The following CGN variants were observed in gnomAD, a reference collection of about 807,000 sequenced individuals.
CGN encodes the protein cingulin.
Under a neutral mutation model 157.1 loss-of-function variants are expected in CGN, and 121 were observed. The ratio of observed to expected loss-of-function variants is 0.77; its 90% CI spans 0.66 to 0.90. The LOEUF (loss-of-function observed/expected upper bound fraction) is 0.90. Ranked by LOEUF, CGN falls within the 40% of genes least tolerant of loss-of-function variation. The pLI, the probability that CGN is intolerant of heterozygous loss-of-function variation, is 0.00. For synonymous variants in CGN, 535 were observed against 607.5 expected (o/e 0.88, Z 1.76); for missense variants, 1,424 against 1,520.9 (o/e 0.94, Z 1.06).
chr1:151,524,913 G>A lies in CGN; in HGVS notation c.1614+27G>A. On this transcript the variant is annotated intron_variant, in intron 8 of 20. Transcript: ENST00000271636. The surrounding 1 kb of genome is among the most constrained non-coding windows in gnomAD (Gnocchi z 4.4). Reference sequence around the variant, plus strand: ...CATGTGACAAGAGCAGGGTCTGAGAGAGGAGGGCACTGCTGGAGAACAAGG... The same window carrying A: ...CATGTGACAAGAGCAGGGTCTGAGAAAGGAGGGCACTGCTGGAGAACAAGG... The A allele has an allele frequency of 6.3e-7, 1 of 1,584,320 alleles. No homozygotes were observed. Among genetic ancestry groups the A allele is most frequent in the Non-Finnish European group, 8.6e-7 (1 of 1,158,842 alleles).
intron 10 of CGN, among the ~76,000 whole-genome samples, chr1:151,527,408 A>C (rs550404323): frequency 2.6e-5 from 4 of 152,310 alleles, no homozygotes; most frequent in Non-Finnish European, 5.9e-5. Flanking sequence ...CTCCAGGATG[A>C]TTTTTGCAGG....
rs142252166 is a variant in CGN, at chr1:151,532,434, C to T, written c.2604C>T (p.Ala868=). ...AGATCGGGGAGGACTCTAAGCAAGCCCTGCAGCAGCTCCAGGCCCAGCTGG... is the reference window on the plus strand; with the variant it reads ...AGATCGGGGAGGACTCTAAGCAAGCTCTGCAGCAGCTCCAGGCCCAGCTGG... The part of the protein sequence containing the change: ...LEKIGEDSKQ[A]LQQLQAQLED... The change falls in exon 14 of 21, where the codon GCC becomes GCT. Residue 868 remains alanine, a synonymous_variant. Coordinates refer to ENST00000271636, the MANE Select transcript of CGN (RefSeq NM_020770.3). The T allele has an allele frequency of 4.7e-5, 75 of 1,592,496 alleles. No individual in the cohort carries two copies. The African/African-American group carries it at 9.8e-4, about 21-fold the overall frequency.
At position 151,530,561 on chromosome 1, in the gene CGN, C is replaced by A. The variant is rs758737673; in HGVS notation, c.2386C>A (p.Arg796=). 1 of 1,608,408 alleles carries A rather than the reference C, an allele frequency of 6.2e-7. No individual in the cohort carries two copies. The highest frequency in any genetic ancestry group is 1.3e-5 in the African/African-American group (1 of 74,808). ...EEEGSLAAAK[R]ALEARLEEAQ... ...GGAGGGGAGTCTGGCAGCAGCCAAG[C>A]GGGCACTGGAGGCACGCCTAGAGGA... Residue 796 remains arginine, a synonymous_variant, in exon 13 of 21, where the codon CGG becomes AGG. Coordinates refer to ENST00000271636, the MANE Select transcript of CGN (RefSeq NM_020770.3).
intron 14 of CGN, 121 bp downstream of exon 14, chr1:151,532,693 C>T (rs1020020390): frequency 4.0e-5 from 30 of 744,062 alleles, no homozygotes; most frequent in Non-Finnish European, 5.5e-5. Context: ...GATCTTGGCT[C>T]ACTGCAAGCT....
chr1:151,529,627 G>A, intron 11 of CGN, 68 bp downstream of exon 11: 2 of 1,422,214 alleles, frequency 1.4e-6, no homozygotes, highest in South Asian at 1.2e-5. Context: ...AGGAGCCAGA[G>A]GGTGTGGAAA....
intron 12 of CGN, 97 bp downstream of exon 12, chr1:151,530,212 G>A: frequency 2.2e-6 from 3 of 1,363,206 alleles, no homozygotes; most frequent in Non-Finnish European, 2.0e-6. Context: ...CCCTTAGTGT[G>A]CATCTGTTTT....
chr1:151,520,499 T>C lies in CGN; in HGVS notation c.1044+16T>C. The C allele has an allele frequency of 1.2e-6, 2 of 1,613,546 alleles. No homozygotes were observed. The highest frequency in any genetic ancestry group is 1.7e-6 in the Non-Finnish European group (2 of 1,179,448). On this transcript the variant is annotated intron_variant, in intron 4 of 20. Transcript: ENST00000271636. Reference sequence around the variant, plus strand: ...GCCTCTAGTGGTGAGTGGCCTTCTCTGGATGGGAGCAAGGGTCAAGGTTAG... The same window carrying C: ...GCCTCTAGTGGTGAGTGGCCTTCTCCGGATGGGAGCAAGGGTCAAGGTTAG...
In CGN at chr1:151,518,655, G is replaced by A. The variant is rs368325227; in HGVS notation, c.136G>A (p.Ala46Thr). 8 of 1,614,068 alleles carry A rather than the reference G, an allele frequency of 5.0e-6. No homozygotes were observed. The East Asian group carries it at 1.8e-4, about 36-fold the overall frequency. The part of the protein sequence containing the change: ...RRGGRRPAKD[A>T]RASTYGVAVR... Reference sequence around the variant, plus strand: ...AGGTGGACGACGCCCAGCTAAGGATGCAAGAGCCAGTACCTACGGGGTTGC... The same window carrying A: ...AGGTGGACGACGCCCAGCTAAGGATACAAGAGCCAGTACCTACGGGGTTGC... The change falls in exon 2 of 21, where the codon GCA becomes ACA. Residue 46 changes from alanine to threonine, a missense_variant. By Grantham distance (58) the Ala-to-Thr change is moderately conservative. Around this residue, in one of 3 missense-constraint regions of CGN, gnomAD observed 1,187 missense variants for 1,217.6 expected, o/e 0.97. Transcript: ENST00000271636.
At chr1:151,531,089 C>T (rs1000081141) in intron 13 of CGN, among the ~76,000 whole-genome samples, 5 of 150,792 alleles carry the variant, frequency 3.3e-5, no homozygotes, top group African/African-American at 9.8e-5. Flanking sequence ...TGCAGTGAGG[C>T]GAGATCATGC....
chr1:151,536,902 T>C lies in CGN; in HGVS notation c.3470+9T>C, dbSNP rs1021746643. ...CTGGAGAAGGACTCCTGGTATGGGC[T>C]ACCCTTTTGCCCTTGCTCCATAGGG... On this transcript the variant is annotated intron_variant, in intron 20 of 20. Coordinates refer to ENST00000271636, the MANE Select transcript of CGN (RefSeq NM_020770.3). 5 of 1,613,330 alleles carry C rather than the reference T, an allele frequency of 3.1e-6. No homozygotes were observed. The Admixed American group carries it at 5.0e-5, about 16-fold the overall frequency.
intron 10 of CGN, 95 bp from the exon 11 acceptor site, chr1:151,529,255 A>T (rs1422653894): frequency 1.9e-6 from 2 of 1,052,550 alleles, no homozygotes; most frequent in Non-Finnish European, 2.8e-6. Context: ...ATCAGTTTTT[A>T]TTCCCTTGGC....
At chr1:151,515,676 T>C (rs1442489732) in intron 1 of CGN, 1 of 152,270 alleles carries the variant, frequency 6.6e-6, no homozygotes, top group East Asian at 1.9e-4. Context: ...GGTTTTGCCA[T>C]ATTGCTCAGG....
intron 1 of CGN, among the ~76,000 whole-genome samples, chr1:151,515,953 T>A (rs1557985061): frequency 6.6e-6 from 1 of 152,318 alleles, no homozygotes; most frequent in East Asian, 1.9e-4. Flanking sequence ...GGATGTGCTG[T>A]CTCCTCAGGG....
At position 151,524,796 on chromosome 1, in the gene CGN, A is replaced by G; in HGVS notation, c.1524A>G (p.Val508=). 6.2e-7 allele frequency: 1 copy of G among 1,612,850 alleles called. No individual in the cohort carries two copies. Among genetic ancestry groups the G allele is most frequent in the Admixed American group, 1.7e-5 (1 of 60,000 alleles). Residue 508 remains valine (V), a synonymous_variant, in exon 8 of 21, where the codon GTA becomes GTG. Transcript: ENST00000271636. The surrounding 1 kb of genome is among the most constrained non-coding windows in gnomAD (Gnocchi z 4.4). Reference sequence around the variant, plus strand: ...TGAAGGGGGCCCTGAAAGAGGAGGTAGCCTCCCGTGACCAGGAGGTGGAAC... The same window carrying G: ...TGAAGGGGGCCCTGAAAGAGGAGGTGGCCTCCCGTGACCAGGAGGTGGAAC... ...TALKGALKEE[V]ASRDQEVEHV...
Position 151,524,384 on chromosome 1 carries a change from G to A in CGN, c.1401+26G>A, listed in dbSNP as rs752346823. 2.5e-6 allele frequency: 4 copies of A among 1,609,526 alleles called. No individual in the cohort carries two copies. The highest frequency in any genetic ancestry group is 3.4e-6 in the Non-Finnish European group (4 of 1,177,864). On this transcript the variant is annotated intron_variant, in intron 7 of 20. Transcript: ENST00000271636. This position sits in a 1 kb window ranked among gnomAD's most constrained non-coding sequence, Gnocchi z 4.4. ...GTAGGGTCTGGGGTCATATGCCCCA[G>A]CCTCTGCTTTTTCTCAGTTGGAGCA... is the stretch of plus-strand genomic sequence containing the variant.
chr1:151,519,197 A>C lies in CGN; in HGVS notation c.678A>C (p.Glu226Asp). 6.2e-7 allele frequency: 1 copy of C among 1,614,078 alleles called. No individual in the cohort carries two copies. Among genetic ancestry groups the C allele is most frequent in the Non-Finnish European group, 8.5e-7 (1 of 1,180,018 alleles). ...DSRLPRDTFEERERQSTNHWT... is the reference protein window; with the variant it reads ...DSRLPRDTFEDRERQSTNHWT... ...GCCTCCCACGGGACACCTTTGAGGA[A>C]CGGGAGCGCCAGTCCACCAACCACT... The change falls in exon 2 of 21, where the codon GAA (glutamate) becomes GAC (aspartate). Residue 226 changes from glutamate to aspartate, a missense_variant. Physicochemically the swap from Glu to Asp is conservative, Grantham distance 45. Transcript: ENST00000271636.
chr1:151,525,894 C>A, intron 9 of CGN, 104 bp downstream of exon 9: 1 of 817,068 alleles, frequency 1.2e-6, no homozygotes, highest in Non-Finnish European at 1.6e-6. Context: ...TTTTTTGGGA[C>A]AGAGTTTCGC....
Position 151,534,048 on chromosome 1 carries a change from T to A in CGN, c.2816T>A (p.Leu939Gln), listed in dbSNP as rs1557993640. 5.0e-6 allele frequency: 8 copies of A among 1,613,766 alleles called. No homozygotes were observed. The highest frequency in any genetic ancestry group is 6.8e-6 in the Non-Finnish European group (8 of 1,179,910). The change falls in exon 15 of 21, where the codon CTG becomes CAG. Residue 939 changes from leucine to glutamine, a missense_variant. Physicochemically the swap from Leu to Gln is moderately radical, Grantham distance 113. Transcript: ENST00000271636. ...ACAGCCCGGCTGGACAAAGAGCTAC[T>A]GGCCCAGCGACTGCAGGGGCTGGAG... is the stretch of plus-strand genomic sequence containing the variant. The part of the protein sequence containing the change: ...RDTARLDKEL[L>Q]AQRLQGLEQE...
rs1664612411 is a variant in CGN at position 151,524,114 on chromosome 1, T to C, written c.1269-112T>C. 4.6e-6 allele frequency: 5 copies of C among 1,082,876 alleles called. No individual in the cohort carries two copies. Among genetic ancestry groups the C allele is most frequent in the Non-Finnish European group, 6.6e-6 (5 of 759,548 alleles). The allele number at this position is 1,082,876 out of a possible 1,614,324, so 67.1% of individuals were successfully genotyped here. A position where few individuals can be genotyped will look rare whatever the true frequency, so the allele number is the denominator to read the frequency against. On this transcript the variant is annotated intron_variant, in intron 6 of 20. Coordinates refer to ENST00000271636, the MANE Select transcript of CGN (RefSeq NM_020770.3). This position sits in a 1 kb window ranked among gnomAD's most constrained non-coding sequence, Gnocchi z 4.4. The stretch of plus-strand genomic sequence containing the variant: ...GTTGCAAAAATCAGGGGAGGCCTCA[T>C]CAAGATTTGAAGGAAGGAAGTTTAA...
Sources: allele counts gnomAD v4.1 joint callset (sites outside exome capture counted in the v4.1 genomes callset), GRCh38; gene constraint gnomAD v4.1.1; regional missense constraint gnomAD v4.1.1; non-coding constraint Gnocchi (gnomAD v3.1); transcripts MANE v1.5; gene names NCBI Gene and HGNC (gene_info 2026-07-23, HGNC 2026-07-21).